The following COL8A1 variants were observed in gnomAD, a reference collection of about 807,000 sequenced individuals.
COL8A1 encodes the protein collagen type VIII alpha 1 chain, also known as collagen alpha-1(VIII) chain.
COL8A1 carries 21 observed loss-of-function variants against 42.7 expected under a neutral mutation model. The ratio of observed to expected loss-of-function variants is 0.49; its 90% CI spans 0.35 to 0.71. COL8A1 has a LOEUF of 0.71. Ranked by LOEUF, COL8A1 falls within the 30% of genes least tolerant of loss-of-function variation. COL8A1 has a pLI of 0.01. For missense variants in COL8A1, 788 were observed against 962.4 expected (o/e 0.82, Z 2.40); for synonymous variants, 367 against 369.1 (o/e 0.99, Z 0.06).
intron 2 of COL8A1, among the ~76,000 whole-genome samples, chr3:99,779,223 T>C (rs769514215): frequency 1.1e-4 from 16 of 152,286 alleles, no homozygotes; most frequent in Non-Finnish European, 8.8e-5. Context: ...TGTAGAGGTC[T>C]ATGGGTAAGG....
chr3:99,711,842 T>C (rs533438756), intron 1 of COL8A1, among the ~76,000 whole-genome samples: 129 of 152,118 alleles, frequency 8.5e-4, no homozygotes, highest in Non-Finnish European at 1.7e-3. Flanking sequence ...GTCAGCAACA[T>C]AGGGATAATA....
chr3:99,665,776 G>T (rs1371875443), intron 1 of COL8A1, among the ~76,000 whole-genome samples: 2 of 150,242 alleles, frequency 1.3e-5, no homozygotes, highest in Non-Finnish European at 3.0e-5. Flanking sequence ...CCGCCTCCCG[G>T]GTTCAAGCAA....
intron 1 of COL8A1, among the ~76,000 whole-genome samples, chr3:99,715,030 GTAGGAAAACAAGCACAGTA>G (rs1404712227): frequency 1.3e-5 from 2 of 152,132 alleles, no homozygotes; most frequent in African/African-American, 4.8e-5. Flanking sequence ...CTTTGTGGTT[GTAGGAAAACAAGCACAGTA>G]TAGTCAGGTT....
At chr3:99,670,987 A>ATG (rs765910171) in intron 1 of COL8A1, among the ~76,000 whole-genome samples, 16 of 150,956 alleles carry the variant, frequency 1.1e-4, no homozygotes, top group African/African-American at 3.6e-4. Context: ...AATTTGAGTA[A>ATG]TGTGTGTGTG....
chr3:99,738,304 A>C (rs1333193318), intron 1 of COL8A1, among the ~76,000 whole-genome samples: 5 of 152,094 alleles, frequency 3.3e-5, no homozygotes, highest in South Asian at 2.1e-4. Context: ...AGGCACTCTG[A>C]TTTTTAGAGT....
At chr3:99,743,072 AAATTACTT>A (rs1940939039) in intron 1 of COL8A1, among the ~76,000 whole-genome samples, 1 of 152,200 alleles carries the variant, frequency 6.6e-6, no homozygotes, top group African/African-American at 2.4e-5. Context: ...AGAGGCACAA[AAATTACTT>A]ATAGGCCTTT....
At chr3:99,789,090 G>A (rs793495) in intron 2 of COL8A1, among the ~76,000 whole-genome samples, 112,603 of 152,038 alleles carry the variant, frequency 0.74, 42,323 homozygotes, top group African/African-American at 0.88. Flanking sequence ...TATTTAGAAA[G>A]ATTGTAAAGC....
At chr3:99,775,149 C>T (rs1941671217) in intron 2 of COL8A1, among the ~76,000 whole-genome samples, 1 of 152,156 alleles carries the variant, frequency 6.6e-6, no homozygotes, top group Non-Finnish European at 1.5e-5. Context: ...AGAGAAGCAT[C>T]AGCCCTTCCC....
intron 1 of COL8A1, among the ~76,000 whole-genome samples, chr3:99,719,745 T>C (rs1940095516): frequency 6.6e-6 from 1 of 152,082 alleles, no homozygotes; most frequent in African/African-American, 2.4e-5. Context: ...TGTAGTTCTG[T>C]ATAGATGAAG....
At chr3:99,742,441 T>C (rs1576459297) in intron 1 of COL8A1, among the ~76,000 whole-genome samples, 1 of 152,234 alleles carries the variant, frequency 6.6e-6, no homozygotes, top group Non-Finnish European at 1.5e-5. Context: ...TGCTTGAATA[T>C]TAAATAATTT....
chr3:99,666,580 A>G (rs1938374123), intron 1 of COL8A1, among the ~76,000 whole-genome samples: 1 of 152,216 alleles, frequency 6.6e-6, no homozygotes, highest in Non-Finnish European at 1.5e-5. Context: ...TCTGTAATAT[A>G]CATCCAGGGA....
At chr3:99,729,918 C>T (rs1368681433) in intron 1 of COL8A1, among the ~76,000 whole-genome samples, 2 of 152,208 alleles carry the variant, frequency 1.3e-5, no homozygotes, top group East Asian at 3.9e-4. Context: ...CACAAATGTG[C>T]AGTCCCTATG....
At chr3:99,757,709 T>C (rs1941281114) in intron 2 of COL8A1, among the ~76,000 whole-genome samples, 2 of 152,154 alleles carry the variant, frequency 1.3e-5, no homozygotes, top group Non-Finnish European at 1.5e-5. Flanking sequence ...GGATGAAAAC[T>C]AGTAAAGAAA....
chr3:99,668,457 T>C lies in COL8A1; in HGVS notation c.-129+29793T>C, dbSNP rs143908844. 2.0e-4 allele frequency among the ~76,000 whole-genome samples: 31 copies of C among 152,244 alleles called. No homozygotes were observed. The East Asian group carries it at 5.8e-3, about 28-fold the overall frequency. On this transcript the variant is annotated intron_variant, in intron 1 of 3. Transcript: ENST00000652472. ...ACACTATTCTTGCCATAACTACACA[T>C]CAGACTTAAAAATATACCAGACTTA...
At chr3:99,764,732 C>G (rs1050910608) in intron 2 of COL8A1, among the ~76,000 whole-genome samples, 3 of 139,386 alleles carry the variant, frequency 2.2e-5, no homozygotes, top group Admixed American at 1.5e-4. Flanking sequence ...TGGAGTCTCC[C>G]TCTGTCGCCC....
intron 2 of COL8A1, among the ~76,000 whole-genome samples, chr3:99,749,616 G>A (rs1302478149): frequency 3.9e-5 from 6 of 151,930 alleles, no homozygotes; most frequent in Non-Finnish European, 7.4e-5. Context: ...TGTTCTAAAG[G>A]GTTTCTTTAT....
intron 1 of COL8A1, among the ~76,000 whole-genome samples, chr3:99,738,720 G>C (rs978661237): frequency 6.9e-6 from 1 of 144,090 alleles, no homozygotes; most frequent in African/African-American, 2.5e-5. Flanking sequence ...TACAGAGGCA[G>C]GCAGGCCTCC....
At chr3:99,731,431 G>A (rs1940506644) in intron 1 of COL8A1, among the ~76,000 whole-genome samples, 1 of 152,072 alleles carries the variant, frequency 6.6e-6, no homozygotes, top group Non-Finnish European at 1.5e-5. Flanking sequence ...TGGCCAGGGT[G>A]GAGGATAAGA....
intron 2 of COL8A1, among the ~76,000 whole-genome samples, chr3:99,783,079 A>G (rs1941825166): frequency 6.6e-6 from 1 of 152,174 alleles, no homozygotes; most frequent in South Asian, 2.1e-4. Context: ...ATGTTTCCCA[A>G]CTCCTTTGAG....
Sources: allele counts gnomAD v4.1 joint callset (sites outside exome capture counted in the v4.1 genomes callset), GRCh38; gene constraint gnomAD v4.1.1; transcripts MANE v1.5; gene names NCBI Gene and HGNC (gene_info 2026-07-23, HGNC 2026-07-21).